The following HNRNPD variants were observed in gnomAD, a reference collection of about 807,000 sequenced individuals.
HNRNPD encodes heterogeneous nuclear ribonucleoprotein D.
Under a neutral mutation model 47.9 loss-of-function variants are expected in HNRNPD, and 3 were observed. The observed-to-expected ratio is 0.06, with a 90% CI of 0.03 to 0.16. The LOEUF (loss-of-function observed/expected upper bound fraction) is 0.16. Among genes scored for constraint, HNRNPD ranks in the 10% least tolerant of loss-of-function variants. The pLI, the probability that HNRNPD is intolerant of heterozygous loss-of-function variation, is 1.00. For synonymous variants in HNRNPD, 171 were observed against 165.1 expected (o/e 1.04, Z -0.28); for missense variants, 287 against 454.2 (o/e 0.63, Z 3.35).
At chr4:82,362,392 C>A (rs1389365139) in intron 2 of HNRNPD, among the ~76,000 whole-genome samples, 1 of 151,816 alleles carries the variant, frequency 6.6e-6, no homozygotes, top group African/African-American at 2.4e-5. Context: ...TTGAGACAAA[C>A]GTATTAATAT....
rs1460705651 is a variant in HNRNPD at position 82,373,687 on chromosome 4, T to C, written c.-9A>G. ...AACTGCTCCTCCGACATAGTGCTAG[T>C]GTCTCCGCCGCTGCCGCCGAGACTA... On this transcript the variant is annotated 5_prime_UTR_variant, in exon 1 of 9. Coordinates refer to ENST00000313899, the MANE Select transcript of HNRNPD (RefSeq NM_031370.3). The C allele has an allele frequency of 2.0e-6, 3 of 1,501,934 alleles. No individual in the cohort carries two copies. Among genetic ancestry groups the C allele is most frequent in the South Asian group, 2.4e-5 (2 of 82,878 alleles). 93.0% of individuals were successfully genotyped at this position (1,501,934 alleles called of 1,614,324 possible).
chr4:82,358,566 G>T, intron 4 of HNRNPD, 93 bp downstream of exon 4: 3 of 1,093,852 alleles, frequency 2.7e-6, no homozygotes, highest in South Asian at 1.5e-5. Flanking sequence ...TACCCTAACA[G>T]CTTTGAAAAG....
intron 4 of HNRNPD, chr4:82,358,018 G>A (rs1024483190): frequency 6.6e-6 from 1 of 152,244 alleles, no homozygotes; most frequent in African/African-American, 2.4e-5. Flanking sequence ...AAATGTCTGT[G>A]GGACGTATCT....
chr4:82,358,543 A>C (rs1192282572), intron 4 of HNRNPD, 116 bp downstream of exon 4: 1 of 886,284 alleles, frequency 1.1e-6, no homozygotes, highest in Non-Finnish European at 1.8e-6. Flanking sequence ...ATTCCAAAAC[A>C]GATCACATAA....
intron 2 of HNRNPD, among the ~76,000 whole-genome samples, chr4:82,361,569 C>A (rs1215337476): frequency 6.6e-6 from 1 of 152,154 alleles, no homozygotes; most frequent in African/African-American, 2.4e-5. Flanking sequence ...CAAGAAAATT[C>A]TCTGTCTGGT....
At chr4:82,358,475 AG>A (rs1330139485) in intron 4 of HNRNPD, 183 bp downstream of exon 4, 5 of 554,942 alleles carry the variant, frequency 9.0e-6, no homozygotes, top group Admixed American at 3.5e-5. Flanking sequence ...GTGCTCAATG[AG>A]AAAAACACAT....
chr4:82,368,564 T>C (rs888222390), intron 2 of HNRNPD, among the ~76,000 whole-genome samples: 1 of 152,238 alleles, frequency 6.6e-6, no homozygotes, highest in Non-Finnish European at 1.5e-5. Context: ...TTAATACTCT[T>C]CGCTTAAATG....
chr4:82,357,253 A>C lies in HNRNPD; in HGVS notation c.753+60T>G, dbSNP rs145430057. On this transcript the variant is annotated intron_variant, in intron 5 of 8. Coordinates refer to ENST00000313899, the MANE Select transcript of HNRNPD (RefSeq NM_031370.3). Reference sequence around the variant, plus strand: ...ACTTAAGCCTTTACAGAGAAAGATAAATGGTTAAGCTCTTTACAACAGCTA... The same window carrying C: ...ACTTAAGCCTTTACAGAGAAAGATACATGGTTAAGCTCTTTACAACAGCTA... 2.1e-5 allele frequency: 32 copies of C among 1,510,148 alleles called. No individual in the cohort carries two copies. The African/African-American group carries it at 4.2e-4, about 20-fold the overall frequency. 93.5% of individuals were successfully genotyped at this position (1,510,148 alleles called of 1,614,324 possible).
chr4:82,363,046 G>GTA (rs751035705), intron 2 of HNRNPD, among the ~76,000 whole-genome samples: 4 of 149,754 alleles, frequency 2.7e-5, no homozygotes, highest in Non-Finnish European at 4.4e-5. Flanking sequence ...GTGTGTGTGT[G>GTA]TGTATATATA....
chr4:82,362,259 A>G (rs1226434424), intron 2 of HNRNPD, among the ~76,000 whole-genome samples: 1 of 152,212 alleles, frequency 6.6e-6, no homozygotes, highest in African/African-American at 2.4e-5. Flanking sequence ...CATTTTTGCC[A>G]GATCACCAGT....
At chr4:82,358,966 G>A in intron 3 of HNRNPD, 146 bp from the exon 4 acceptor site, 2 of 638,898 alleles carry the variant, frequency 3.1e-6, no homozygotes, top group East Asian at 2.8e-5. Flanking sequence ...TCATGGTGGT[G>A]ATGTAACATC....
intron 2 of HNRNPD, among the ~76,000 whole-genome samples, chr4:82,364,118 A>G (rs1243000465): frequency 6.6e-6 from 1 of 151,976 alleles, no homozygotes; most frequent in Non-Finnish European, 1.5e-5. Context: ...CTCGGACTAC[A>G]GGCACCCACC....
intron 8 of HNRNPD, 149 bp downstream of exon 8, chr4:82,355,146 AGCACCTGTG>A (rs1304174352): frequency 1.7e-6 from 1 of 605,746 alleles, no homozygotes; most frequent in Non-Finnish European, 2.9e-6. Flanking sequence ...AAAGCTTAAG[AGCACCTGTG>A]TTACATATCT....
intron 2 of HNRNPD, among the ~76,000 whole-genome samples, chr4:82,370,859 C>G (rs993765458): frequency 1.3e-5 from 2 of 152,000 alleles, no homozygotes; most frequent in South Asian, 4.2e-4. Flanking sequence ...AGAAGTCATG[C>G]AATTGTGAAT....
At chr4:82,357,263 C>T (rs1723754116) in intron 5 of HNRNPD, 50 bp downstream of exon 5, 1 of 1,540,042 alleles carries the variant, frequency 6.5e-7, no homozygotes, top group Non-Finnish European at 8.8e-7. Flanking sequence ...AATGGTTAAG[C>T]TCTTTACAAC....
chr4:82,372,400 GAAA>G (rs567180423), intron 1 of HNRNPD, among the ~76,000 whole-genome samples: 7 of 150,302 alleles, frequency 4.7e-5, no homozygotes, highest in Non-Finnish European at 8.9e-5. Flanking sequence ...GCACCAAAAA[GAAA>G]AAAAAAGTAT....
At chr4:82,369,893 A>G (rs1719953482) in intron 2 of HNRNPD, among the ~76,000 whole-genome samples, 1 of 152,344 alleles carries the variant, frequency 6.6e-6, no homozygotes, top group African/African-American at 2.4e-5. Flanking sequence ...CTGTGATTAC[A>G]GCACTTGGGG....
At chr4:82,367,514 TTGTC>T (rs1474349307) in intron 2 of HNRNPD, among the ~76,000 whole-genome samples, 3 of 152,210 alleles carry the variant, frequency 2.0e-5, no homozygotes, top group African/African-American at 7.2e-5. Context: ...TTCCATGACA[TTGTC>T]TGTTGGTTGC....
intron 2 of HNRNPD, among the ~76,000 whole-genome samples, chr4:82,366,355 T>C (rs890272570): frequency 9.2e-5 from 14 of 152,076 alleles, no homozygotes; most frequent in African/African-American, 3.4e-4. Context: ...GCTCTTCTCC[T>C]GCCTCAGCCT....
Sources: gnomAD v4.1 joint callset for allele counts (sites outside exome capture counted in the v4.1 genomes callset) on GRCh38, gnomAD v4.1.1 for gene constraint, MANE v1.5 for transcripts, NCBI Gene and HGNC (gene_info 2026-07-23, HGNC 2026-07-21) for gene names.